The following OPCML variants were observed in gnomAD, a reference collection of about 807,000 sequenced individuals.
OPCML encodes opioid binding protein/cell adhesion molecule like.
A neutral mutation model predicts 37.8 loss-of-function variants in OPCML; 13 were observed. The observed-to-expected ratio is 0.34, with a 90% CI of 0.22 to 0.55. OPCML has a LOEUF of 0.55. Ranked by LOEUF, OPCML falls within the 20% of genes least tolerant of loss-of-function variation. The pLI, the probability that OPCML is intolerant of heterozygous loss-of-function variation, is 0.91. For missense variants in OPCML, 341 were observed against 435.6 expected, an observed-to-expected ratio of 0.78 and a Z score of 1.93; for synonymous variants, 176 against 168.8, an observed-to-expected ratio of 1.04 and a Z score of -0.33.
At chr11:133,148,271 A>C (rs1009920383) in intron 1 of OPCML, among the ~76,000 whole-genome samples, 4 of 151,960 alleles carry the variant, frequency 2.6e-5, no homozygotes, top group Non-Finnish European at 4.4e-5. Flanking sequence ...CCACTGCCTT[A>C]CTCTAACACT....
chr11:132,857,175 T>C (rs979581908), intron 2 of OPCML, among the ~76,000 whole-genome samples: 2 of 152,228 alleles, frequency 1.3e-5, no homozygotes, highest in South Asian at 2.1e-4. Flanking sequence ...GTAGCTCTTC[T>C]ATGGTTGTGA....
chr11:132,866,006 A>G (rs1236706465), intron 2 of OPCML, among the ~76,000 whole-genome samples: 2 of 152,068 alleles, frequency 1.3e-5, no homozygotes, highest in Non-Finnish European at 2.9e-5. Context: ...TGTGACTCTT[A>G]GAAATTTCAT....
chr11:133,484,858 T>C (rs1346442265), intron 1 of OPCML, among the ~76,000 whole-genome samples: 1 of 152,112 alleles, frequency 6.6e-6, no homozygotes, highest in African/African-American at 2.4e-5. Flanking sequence ...ACATTATTAC[T>C]GTTATATACT....
chr11:132,526,423 C>A (rs538690519), intron 4 of OPCML, among the ~76,000 whole-genome samples: 1 of 151,984 alleles, frequency 6.6e-6, no homozygotes, highest in Non-Finnish European at 1.5e-5. Context: ...TTGAGTTTTG[C>A]GATATCCCTT....
At chr11:132,576,547 C>T (rs1216699616) in intron 3 of OPCML, among the ~76,000 whole-genome samples, 2 of 152,016 alleles carry the variant, frequency 1.3e-5, no homozygotes, top group African/African-American at 4.8e-5. Context: ...TTACATTGAC[C>T]TTGGTAAGCC....
At chr11:132,594,421 C>T (rs1205629423) in intron 3 of OPCML, among the ~76,000 whole-genome samples, 1 of 151,962 alleles carries the variant, frequency 6.6e-6, no homozygotes, top group Non-Finnish European at 1.5e-5. Flanking sequence ...AAGAATATAA[C>T]AATAGCTATA....
intron 2 of OPCML, among the ~76,000 whole-genome samples, chr11:132,775,958 G>A (rs901926061): frequency 2.6e-5 from 4 of 152,142 alleles, no homozygotes; most frequent in Non-Finnish European, 5.9e-5. Context: ...TTTAGACAGC[G>A]TCTTGTTCTG....
chr11:133,180,334 G>A (rs1408849705), intron 1 of OPCML, among the ~76,000 whole-genome samples: 13 of 152,162 alleles, frequency 8.5e-5, no homozygotes, highest in Non-Finnish European at 5.9e-5. Context: ...AAACACAGCT[G>A]GGTTGTGCAG....
At chr11:132,900,800 A>T (rs1356768484) in intron 2 of OPCML, among the ~76,000 whole-genome samples, 1 of 151,910 alleles carries the variant, frequency 6.6e-6, no homozygotes, top group Non-Finnish European at 1.5e-5. Context: ...AACTAGTCCA[A>T]ATCTTCCTCT....
At chr11:132,926,697 T>C (rs1015113712) in intron 2 of OPCML, among the ~76,000 whole-genome samples, 1 of 151,396 alleles carries the variant, frequency 6.6e-6, no homozygotes, top group Non-Finnish European at 1.5e-5. Context: ...ATATGCCCCA[T>C]TCAAAGGAAA....
At chr11:132,668,412 C>T (rs1215104656) in intron 2 of OPCML, among the ~76,000 whole-genome samples, 1 of 152,208 alleles carries the variant, frequency 6.6e-6, no homozygotes, top group East Asian at 1.9e-4. Flanking sequence ...CTAAGATAAG[C>T]ATTTTGTTTA....
chr11:132,687,320 T>A (rs1943199164), intron 2 of OPCML, among the ~76,000 whole-genome samples: 1 of 135,140 alleles, frequency 7.4e-6, no homozygotes. Context: ...GACTTGGACT[T>A]CTATTTCTCA....
At chr11:133,114,075 C>T (rs973303789) in intron 1 of OPCML, among the ~76,000 whole-genome samples, 1 of 152,220 alleles carries the variant, frequency 6.6e-6, no homozygotes, top group Non-Finnish European at 1.5e-5. Context: ...AATAATCATT[C>T]CTGATACTGG....
At chr11:133,055,121 C>T in intron 1 of OPCML, among the ~76,000 whole-genome samples, 1 of 149,018 alleles carries the variant, frequency 6.7e-6, no homozygotes, top group East Asian at 2.0e-4. Flanking sequence ...ATGCTGCCTC[C>T]ATGATACTTC....
chr11:133,375,993 T>C (rs370431025), intron 1 of OPCML, among the ~76,000 whole-genome samples: 55 of 152,304 alleles, frequency 3.6e-4, no homozygotes, highest in African/African-American at 9.4e-4. Flanking sequence ...GCAGAAACTA[T>C]ACTGCCAGAT....
intron 7 of OPCML, among the ~76,000 whole-genome samples, chr11:132,435,624 T>C (rs2096010499): frequency 6.6e-6 from 1 of 152,184 alleles, no homozygotes; most frequent in African/African-American, 2.4e-5. Context: ...AGCCACCTGA[T>C]AAGGTCTCAG....
chr11:132,579,765 G>T (rs992617030), intron 3 of OPCML, among the ~76,000 whole-genome samples: 1 of 152,140 alleles, frequency 6.6e-6, no homozygotes, highest in African/African-American at 2.4e-5. Context: ...TTGAATCTCA[G>T]CAGTCTAATG....
At chr11:132,536,557 A>C (rs2096341472) in intron 3 of OPCML, among the ~76,000 whole-genome samples, 1 of 152,224 alleles carries the variant, frequency 6.6e-6, no homozygotes, top group African/African-American at 2.4e-5. Flanking sequence ...GAATAACAAA[A>C]TATTAAGAGA....
intron 1 of OPCML, among the ~76,000 whole-genome samples, chr11:133,262,848 C>A (rs766464843): frequency 1.3e-5 from 2 of 151,788 alleles, no homozygotes; most frequent in African/African-American, 2.4e-5. Context: ...CTAGGAGATT[C>A]CAGCAGCAGA....
Sources: allele counts gnomAD v4.1 joint callset (sites outside exome capture counted in the v4.1 genomes callset), GRCh38; gene constraint gnomAD v4.1.1; transcripts MANE v1.5; gene names NCBI Gene and HGNC (gene_info 2026-07-23, HGNC 2026-07-21).